SMAP2: variants seen among roughly 807,000 people sequenced by gnomAD.
SMAP2 encodes small ArfGAP2.
SMAP2 carries 25 observed loss-of-function variants against 56.4 expected under a neutral mutation model. The ratio of observed to expected loss-of-function variants is 0.44; its 90% CI spans 0.32 to 0.62. The LOEUF (loss-of-function observed/expected upper bound fraction) is 0.62, where lower values mean the gene tolerates loss of function less well. Among genes scored for constraint, SMAP2 ranks in the 20% least tolerant of loss-of-function variants. SMAP2 has a pLI of 0.04. For missense variants in SMAP2, 388 were observed against 545.6 expected (o/e 0.71, Z 2.88); for synonymous variants, 157 against 181.7 (o/e 0.86, Z 1.09).
intron 9 of SMAP2, among the ~76,000 whole-genome samples, chr1:40,420,536 A>C (rs758047508): frequency 3.4e-4 from 52 of 152,380 alleles, no homozygotes; most frequent in Non-Finnish European, 4.9e-4. Flanking sequence ...CAGTAGTTGT[A>C]AAAAGAGCAA....
intron 1 of SMAP2, among the ~76,000 whole-genome samples, chr1:40,360,569 C>A (rs191896): frequency 2.0e-5 from 3 of 152,212 alleles, no homozygotes; most frequent in Admixed American, 2.0e-4. Flanking sequence ...TCCCAAAGTG[C>A]TGGGATTACA....
At chr1:40,399,668 C>G (rs1644811101) in intron 1 of SMAP2, among the ~76,000 whole-genome samples, 1 of 145,772 alleles carries the variant, frequency 6.9e-6, no homozygotes, top group Admixed American at 6.9e-5. Flanking sequence ...CACCACTGCA[C>G]TCCAGCCTGG....
intron 7 of SMAP2, among the ~76,000 whole-genome samples, chr1:40,415,838 G>A (rs1644981637): frequency 6.6e-6 from 1 of 152,154 alleles, no homozygotes; most frequent in African/African-American, 2.4e-5. Context: ...TACAGATGTG[G>A]AGACATTAGT....
chr1:40,390,959 G>T (rs984289854), intron 1 of SMAP2, among the ~76,000 whole-genome samples: 1 of 152,008 alleles, frequency 6.6e-6, no homozygotes. Context: ...CTTAAAAATG[G>T]TTCCTCTAGA....
intron 1 of SMAP2, among the ~76,000 whole-genome samples, chr1:40,381,065 T>C (rs1644593513): frequency 6.6e-6 from 1 of 152,238 alleles, no homozygotes; most frequent in African/African-American, 2.4e-5. Context: ...ACCTGTTCCC[T>C]GAGAGATACT....
intron 1 of SMAP2, among the ~76,000 whole-genome samples, chr1:40,357,192 G>T (rs1371705170): frequency 2.0e-5 from 3 of 151,798 alleles, no homozygotes; most frequent in Non-Finnish European, 4.4e-5. Context: ...TTTTTGCTTT[G>T]GTTTCCTGTG....
At position 40,407,934 on chromosome 1, in the gene SMAP2, C is replaced by CATTATA. The variant is rs1187826716; in HGVS notation, c.238-719_238-718insATTATA. ...TGATATAGCTTCATTATTTTTTATT[C>CATTATA]TCTTCCTACATTGAAACGCTTTAAT... On this transcript the variant is annotated intron_variant, in intron 2 of 9. Transcript: ENST00000372718. 2.1e-4 allele frequency among the ~76,000 whole-genome samples: 32 copies of CATTATA among 152,212 alleles called. 3 individuals carry two copies. In the South Asian group the frequency reaches 6.2e-3, roughly 30 times the overall value.
chr1:40,384,522 CT>C (rs1644634557), intron 1 of SMAP2, among the ~76,000 whole-genome samples: 1 of 152,158 alleles, frequency 6.6e-6, no homozygotes, highest in African/African-American at 2.4e-5. Flanking sequence ...TCTAGAAGTG[CT>C]TTTTTTGTCA....
At chr1:40,365,138 C>T (rs1644476750) in intron 2 of SMAP2, 1 of 171,750 alleles carries the variant, frequency 5.8e-6, no homozygotes, top group African/African-American at 2.4e-5. Flanking sequence ...GACATTCAAG[C>T]TTTATATACT....
rs72258841 is a variant in SMAP2 at position 40,374,596 on chromosome 1, CGT to C, written c.103+401_103+402del. 80,195 of 929,270 alleles carry C rather than the reference CGT, an allele frequency of 0.086. 948 individuals carry two copies. Among genetic ancestry groups the C allele is most frequent in the East Asian group, 0.23 (7,878 of 33,946 alleles). The allele number at this position is 929,270 out of a possible 1,614,324, so 57.6% of individuals were successfully genotyped here. On this transcript the variant is annotated intron_variant, in intron 1 of 9. Transcript: ENST00000372718. This position sits in a 1 kb window ranked among gnomAD's most constrained non-coding sequence, Gnocchi z 5.9. Reference sequence around the variant, plus strand: ...ACTGCATTGCGTGCGTGCGTGCGTGCGTGTGTGTGTGTGTGTGTGTGTGTGTG... The same window carrying C: ...ACTGCATTGCGTGCGTGCGTGCGTGCGTGTGTGTGTGTGTGTGTGTGTGTG...
intron 8 of SMAP2, 111 bp from the exon 9 acceptor site, chr1:40,416,669 G>A (rs1162883626): frequency 9.0e-7 from 1 of 1,112,336 alleles, no homozygotes; most frequent in Non-Finnish European, 1.3e-6. Flanking sequence ...AGAGCATTGT[G>A]AGTAGAGTAA....
chr1:40,375,258 G>T (rs1644530506), intron 1 of SMAP2, among the ~76,000 whole-genome samples: 1 of 152,190 alleles, frequency 6.6e-6, no homozygotes, highest in South Asian at 2.1e-4. Context: ...GGTCGAAATG[G>T]ATAGTTATAT....
At chr1:40,414,837 G>C (rs1020418295) in intron 6 of SMAP2, among the ~76,000 whole-genome samples, 5 of 152,320 alleles carry the variant, frequency 3.3e-5, no homozygotes, top group Admixed American at 3.3e-4. Flanking sequence ...CAGAAAGAAA[G>C]CCTGTTGTCT....
chr1:40,355,435 T>C (rs1376935244), intron 1 of SMAP2, among the ~76,000 whole-genome samples: 1 of 152,232 alleles, frequency 6.6e-6, no homozygotes, highest in South Asian at 2.1e-4. Flanking sequence ...ACATAGTAGG[T>C]GTATGTACTT....
intron 1 of SMAP2, among the ~76,000 whole-genome samples, chr1:40,401,356 A>G (rs1006077877): frequency 3.3e-5 from 5 of 152,194 alleles, no homozygotes; most frequent in African/African-American, 9.7e-5. Flanking sequence ...AGTTTCCAAG[A>G]TAGATTCCAC....
At chr1:40,415,014 A>T (rs1297946494) in intron 6 of SMAP2, among the ~76,000 whole-genome samples, 1 of 152,058 alleles carries the variant, frequency 6.6e-6, no homozygotes, top group African/African-American at 2.4e-5. Flanking sequence ...CCAGCCCCCC[A>T]CTGTGGTGCT....
chr1:40,384,211 G>C (rs1417448546), intron 1 of SMAP2, among the ~76,000 whole-genome samples: 1 of 152,098 alleles, frequency 6.6e-6, no homozygotes, highest in African/African-American at 2.4e-5. Flanking sequence ...CCTCAGCTCA[G>C]TGTTTTCTTT....
In SMAP2 at chr1:40,374,660, G is replaced by A; in HGVS notation, c.103+437G>A. 4.5e-6 allele frequency: 7 copies of A among 1,549,506 alleles called. No homozygotes were observed. Among genetic ancestry groups the A allele is most frequent in the Non-Finnish European group, 6.1e-6 (7 of 1,146,300 alleles). Reference sequence around the variant, plus strand: ...GAGAGAGAATGACGAGGAGGAGGAGGAGGGAAGTGAGATGGCGGAAAGGAA... The same window carrying A: ...GAGAGAGAATGACGAGGAGGAGGAGAAGGGAAGTGAGATGGCGGAAAGGAA... On this transcript the variant is annotated intron_variant, in intron 1 of 9. Transcript: ENST00000372718. The surrounding 1 kb of genome is among the most constrained non-coding windows in gnomAD (Gnocchi z 5.9).
intron 2 of SMAP2, 92 bp downstream of exon 2, chr1:40,406,961 G>A (rs1644891391): frequency 9.3e-6 from 13 of 1,401,182 alleles, no homozygotes; most frequent in Non-Finnish European, 1.2e-5. Flanking sequence ...CAAAGGTGAA[G>A]ATAAAGGAAA....
Sources: gnomAD v4.1 joint callset for allele counts (sites outside exome capture counted in the v4.1 genomes callset) on GRCh38, gnomAD v4.1.1 for gene constraint, Gnocchi (gnomAD v3.1) non-coding constraint, MANE v1.5 for transcripts, NCBI Gene and HGNC (gene_info 2026-07-23, HGNC 2026-07-21) for gene names.